Variants in SPOCK3 observed in about 807,000 individuals in gnomAD.
SPOCK3 encodes the protein testican-3.
A neutral mutation model predicts 56.6 loss-of-function variants in SPOCK3; 30 were observed. The ratio of observed to expected loss-of-function variants is 0.53; its 90% CI spans 0.40 to 0.72. The LOEUF is 0.72. Ranked by LOEUF, SPOCK3 falls within the 30% of genes least tolerant of loss-of-function variation. SPOCK3 has a pLI of 0.00. For synonymous variants in SPOCK3, 196 were observed against 183.3 expected, an observed-to-expected ratio of 1.07 and a Z score of -0.56; for missense variants, 527 against 530.0, an observed-to-expected ratio of 0.99 and a Z score of 0.06.
chr4:166,937,380 T>TAC (rs201165723), intron 4 of SPOCK3, among the ~76,000 whole-genome samples: 4,000 of 150,244 alleles, frequency 0.027, 167 homozygotes, highest in African/African-American at 0.091. Context: ...TACATATATA[T>TAC]ACACACACAC....
chr4:167,017,026 A>G (rs1453502967), intron 3 of SPOCK3, among the ~76,000 whole-genome samples: 1 of 152,146 alleles, frequency 6.6e-6, no homozygotes. Context: ...TGAAACATGC[A>G]AAGAATATAA....
intron 4 of SPOCK3, among the ~76,000 whole-genome samples, chr4:166,931,886 T>C (rs1035402778): frequency 1.3e-5 from 2 of 152,218 alleles, no homozygotes; most frequent in Non-Finnish European, 2.9e-5. Flanking sequence ...TCCATTACTA[T>C]TGGACCTTCC....
At chr4:166,941,352 C>G (rs1365109341) in intron 4 of SPOCK3, among the ~76,000 whole-genome samples, 1 of 152,230 alleles carries the variant, frequency 6.6e-6, no homozygotes, top group Non-Finnish European at 1.5e-5. Context: ...TGGTTATTAA[C>G]TCCGGGATGA....
chr4:167,213,203 G>A (rs1420894932), intron 2 of SPOCK3, among the ~76,000 whole-genome samples: 1 of 152,178 alleles, frequency 6.6e-6, no homozygotes, highest in Admixed American at 6.5e-5. Context: ...CCTTGCTAGG[G>A]AAAATCAACT....
At chr4:166,843,531 C>G (rs1747730850) in intron 6 of SPOCK3, among the ~76,000 whole-genome samples, 1 of 152,102 alleles carries the variant, frequency 6.6e-6, no homozygotes, top group Admixed American at 6.5e-5. Context: ...TCTTACTCGT[C>G]TTGAAAAAAT....
At chr4:166,944,136 G>A (rs1741433978) in intron 4 of SPOCK3, among the ~76,000 whole-genome samples, 1 of 152,028 alleles carries the variant, frequency 6.6e-6, no homozygotes, top group Non-Finnish European at 1.5e-5. Flanking sequence ...GACAGAGCAA[G>A]ACTGTCTCAA....
intron 2 of SPOCK3, among the ~76,000 whole-genome samples, chr4:167,167,121 T>C (rs1313792618): frequency 2.0e-5 from 3 of 152,166 alleles, no homozygotes; most frequent in African/African-American, 7.2e-5. Flanking sequence ...AAATTTCACC[T>C]TGACATTTTG....
At chr4:167,010,519 C>CA (rs11408189) in intron 3 of SPOCK3, among the ~76,000 whole-genome samples, 75,258 of 109,730 alleles carry the variant, frequency 0.69, 25,330 homozygotes, top group East Asian at 0.9. Context: ...GACTCTGTCT[C>CA]AAAAAAAAAA....
In SPOCK3 at chr4:167,189,321, T is replaced by C. The variant is rs1732273911; in HGVS notation, c.189+44664A>G. 1.4e-5 allele frequency among the ~76,000 whole-genome samples: 2 copies of C among 146,040 alleles called. 1 individual carries two copies. Among genetic ancestry groups the C allele is most frequent in the Non-Finnish European group, 3.0e-5 (2 of 66,904 alleles). Reference sequence around the variant, plus strand: ...ATTAAAAATCAATTAATATACCATATCATATTTAGAAATAGTTTGTCAGCT... The same window carrying C: ...ATTAAAAATCAATTAATATACCATACCATATTTAGAAATAGTTTGTCAGCT... On this transcript the variant is annotated intron_variant, in intron 2 of 10. Coordinates refer to ENST00000357545, the MANE Select transcript of SPOCK3 (RefSeq NM_001040159.2).
chr4:167,069,410 A>G (rs1756457554), intron 2 of SPOCK3, among the ~76,000 whole-genome samples: 1 of 151,954 alleles, frequency 6.6e-6, no homozygotes, highest in South Asian at 2.1e-4. Flanking sequence ...TTTTACTGCC[A>G]TCACTTTAGA....
intron 6 of SPOCK3, among the ~76,000 whole-genome samples, chr4:166,813,142 TTAAATTAAAATATATTTTCA>T (rs1445921131): frequency 2.0e-5 from 3 of 152,006 alleles, no homozygotes; most frequent in Admixed American, 6.6e-5. Flanking sequence ...TTAAAATGAT[TTAAATTAAAATATATTTTCA>T]TAAAGTAAAT....
intron 4 of SPOCK3, among the ~76,000 whole-genome samples, chr4:166,945,149 A>T (rs2150023471): frequency 6.6e-6 from 1 of 152,266 alleles, no homozygotes; most frequent in African/African-American, 2.4e-5. Flanking sequence ...CATTACTGCA[A>T]GAAGCCTTGG....
chr4:166,791,001 A>G (rs1186843688), intron 7 of SPOCK3, among the ~76,000 whole-genome samples: 1 of 152,188 alleles, frequency 6.6e-6, no homozygotes, highest in Admixed American at 6.5e-5. Context: ...GCATCAAAAT[A>G]TTTACATTTG....
intron 6 of SPOCK3, among the ~76,000 whole-genome samples, chr4:166,885,736 A>T (rs1034270330): frequency 2.0e-5 from 3 of 152,202 alleles, no homozygotes; most frequent in Non-Finnish European, 4.4e-5. Flanking sequence ...AAAATATTCA[A>T]AATGATATAA....
intron 4 of SPOCK3, among the ~76,000 whole-genome samples, chr4:166,940,354 C>T (rs1014428001): frequency 2.6e-5 from 4 of 152,050 alleles, no homozygotes; most frequent in Non-Finnish European, 4.4e-5. Context: ...CCGAAGTCCG[C>T]GACAGAGAAA....
intron 6 of SPOCK3, among the ~76,000 whole-genome samples, chr4:166,881,530 A>G (rs1006365479): frequency 2.0e-5 from 3 of 152,030 alleles, no homozygotes; most frequent in Non-Finnish European, 4.4e-5. Flanking sequence ...TTTTCGCTCC[A>G]CAAAACATAG....
intron 4 of SPOCK3, among the ~76,000 whole-genome samples, chr4:166,939,542 T>A (rs1740816955): frequency 6.6e-6 from 1 of 152,168 alleles, no homozygotes; most frequent in African/African-American, 2.4e-5. Flanking sequence ...AAATCCATAG[T>A]TCTATGCAGG....
chr4:166,921,382 G>A (rs1354231804), intron 4 of SPOCK3, among the ~76,000 whole-genome samples: 1 of 148,308 alleles, frequency 6.7e-6, no homozygotes, highest in African/African-American at 2.5e-5. Context: ...GGAGTGCAGT[G>A]GCACAATCTC....
chr4:167,223,743 A>G (rs547930754), intron 2 of SPOCK3, among the ~76,000 whole-genome samples: 2 of 152,270 alleles, frequency 1.3e-5, no homozygotes, highest in East Asian at 3.9e-4. Context: ...TGAGCCTAGG[A>G]GTTCGAGACC....
Sources: gnomAD v4.1 joint callset for allele counts (sites outside exome capture counted in the v4.1 genomes callset) on GRCh38, gnomAD v4.1.1 for gene constraint, MANE v1.5 for transcripts, NCBI Gene and HGNC (gene_info 2026-07-23, HGNC 2026-07-21) for gene names.